The following KLF12 variants were observed in gnomAD, a reference collection of about 807,000 sequenced individuals.
The protein encoded by KLF12 is KLF transcription factor 12, also known as Krueppel-like factor 12.
KLF12 carries 9 observed loss-of-function variants against 37.8 expected under a neutral mutation model. That is an observed-to-expected ratio of 0.24 (90% CI 0.14 to 0.42). The LOEUF (loss-of-function observed/expected upper bound fraction) is 0.42. KLF12 is among the 10% of genes least tolerant of loss of function. The probability of loss-of-function intolerance (pLI) is 1.00; values close to 1 mark genes in which losing one functional copy is unlikely to be tolerated. For synonymous variants in KLF12, 208 were observed against 202.1 expected, an observed-to-expected ratio of 1.03 and a Z score of -0.25; for missense variants, 411 against 516.0, an observed-to-expected ratio of 0.80 and a Z score of 1.97.
intron 4 of KLF12, among the ~76,000 whole-genome samples, chr13:73,827,462 A>G (rs555312637): frequency 1.1e-3 from 166 of 152,310 alleles, no homozygotes; most frequent in Middle Eastern, 0.01. Context: ...CCATGTTGTC[A>G]ATTCTCCTCC....
chr13:73,816,158 T>C (rs1883203688), intron 4 of KLF12, among the ~76,000 whole-genome samples: 1 of 152,204 alleles, frequency 6.6e-6, no homozygotes. Flanking sequence ...ATCTGCATAC[T>C]TGCATAATTC....
At chr13:73,832,580 G>A (rs1337645319) in intron 4 of KLF12, among the ~76,000 whole-genome samples, 1 of 152,178 alleles carries the variant, frequency 6.6e-6, no homozygotes, top group Non-Finnish European at 1.5e-5. Flanking sequence ...AAACAATTCA[G>A]ACAAAGCTAT....
chr13:73,867,494 A>G (rs1179506630), intron 3 of KLF12, among the ~76,000 whole-genome samples: 1 of 152,096 alleles, frequency 6.6e-6, no homozygotes, highest in Non-Finnish European at 1.5e-5. Context: ...AAAGGCATAA[A>G]GAACTAAAAT....
intron 1 of KLF12, among the ~76,000 whole-genome samples, chr13:74,082,666 G>T (rs1439584495): frequency 6.6e-6 from 1 of 152,070 alleles, no homozygotes; most frequent in Non-Finnish European, 1.5e-5. Flanking sequence ...TATAAGATGA[G>T]TATCTAGTTT....
chr13:74,078,473 A>T (rs1032056014), intron 1 of KLF12, among the ~76,000 whole-genome samples: 7 of 152,254 alleles, frequency 4.6e-5, no homozygotes, highest in Non-Finnish European at 1.0e-4. Flanking sequence ...GTTACAAGGC[A>T]TAATTATAAA....
intron 1 of KLF12, among the ~76,000 whole-genome samples, chr13:74,063,119 C>T (rs2138660130): frequency 6.6e-6 from 1 of 152,304 alleles, no homozygotes; most frequent in Non-Finnish European, 1.5e-5. Context: ...TGTCAGGGTG[C>T]TAAAATAGCT....
At chr13:74,241,975 T>C in the KLF12 span, among the ~76,000 whole-genome samples, 2 of 152,176 alleles carry the variant, frequency 1.3e-5, no homozygotes, top group Non-Finnish European at 2.9e-5. Context: ...TCCCCCCAGG[T>C]ACCGAATTTT....
chr13:74,212,392 G>A, the KLF12 span, among the ~76,000 whole-genome samples: 1 of 152,132 alleles, frequency 6.6e-6, no homozygotes, highest in Admixed American at 6.6e-5. Context: ...ACAGCTAAAA[G>A]GTGAGAGAGT....
At chr13:73,916,778 AATTAAT>A (rs1400788401) in intron 3 of KLF12, among the ~76,000 whole-genome samples, 4 of 152,188 alleles carry the variant, frequency 2.6e-5, no homozygotes, top group Non-Finnish European at 5.9e-5. Flanking sequence ...TAGTCACATA[AATTAAT>A]ATATTAATAT....
chr13:73,858,705 C>T (rs1327783415), intron 3 of KLF12, among the ~76,000 whole-genome samples: 2 of 152,226 alleles, frequency 1.3e-5, no homozygotes, highest in East Asian at 3.9e-4. Flanking sequence ...CATTTTCCCC[C>T]CTAGAGATTT....
intron 6 of KLF12, among the ~76,000 whole-genome samples, chr13:73,735,783 C>G (rs917666237): frequency 2.0e-5 from 3 of 152,104 alleles, no homozygotes; most frequent in Non-Finnish European, 4.4e-5. Context: ...CAGAACAACT[C>G]TATGAGATTG....
the KLF12 span, among the ~76,000 whole-genome samples, chr13:74,202,715 A>T: frequency 6.6e-6 from 1 of 151,978 alleles, no homozygotes; most frequent in African/African-American, 2.4e-5. Flanking sequence ...TCCATATCCA[A>T]ATTATGGAAG....
the KLF12 span, among the ~76,000 whole-genome samples, chr13:74,159,151 T>C: frequency 1.3e-5 from 2 of 152,180 alleles, no homozygotes; most frequent in Non-Finnish European, 2.9e-5. Context: ...CACTAGGTCA[T>C]GTTCCTTCTA....
At chr13:73,740,801 A>G (rs1877914512) in intron 6 of KLF12, among the ~76,000 whole-genome samples, 1 of 152,180 alleles carries the variant, frequency 6.6e-6, no homozygotes, top group South Asian at 2.1e-4. Flanking sequence ...GTGCTCTAAC[A>G]TATGTCTCAG....
At chr13:73,879,253 G>C (rs796135468) in intron 3 of KLF12, among the ~76,000 whole-genome samples, 1 of 152,094 alleles carries the variant, frequency 6.6e-6, no homozygotes, top group Non-Finnish European at 1.5e-5. Context: ...CCAAAGTGCC[G>C]GTTCTTCTTT....
chr13:73,905,059 A>G (rs989927983), intron 3 of KLF12, among the ~76,000 whole-genome samples: 2 of 152,046 alleles, frequency 1.3e-5, no homozygotes, highest in African/African-American at 4.8e-5. Flanking sequence ...TTTTGTTTTC[A>G]TGGCTGTATA....
chr13:74,075,511 A>T (rs953008242), intron 1 of KLF12, among the ~76,000 whole-genome samples: 4 of 152,214 alleles, frequency 2.6e-5, no homozygotes, highest in African/African-American at 9.6e-5. Context: ...GAGTAGGTAA[A>T]GGTACTGGTA....
At chr13:73,981,177 C>A (rs1891679869) in intron 2 of KLF12, among the ~76,000 whole-genome samples, 1 of 151,968 alleles carries the variant, frequency 6.6e-6, no homozygotes, top group Non-Finnish European at 1.5e-5. Context: ...AACAAACAAA[C>A]AAAAAACTAT....
chr13:73,731,461 A>G (rs947975419), intron 6 of KLF12, among the ~76,000 whole-genome samples: 2 of 148,862 alleles, frequency 1.3e-5, no homozygotes, highest in Admixed American at 6.8e-5. Flanking sequence ...AAATAAACTT[A>G]ATGGTAATGG....
Sources: allele counts gnomAD v4.1 joint callset (sites outside exome capture counted in the v4.1 genomes callset), GRCh38; gene constraint gnomAD v4.1.1; transcripts MANE v1.5; gene names NCBI Gene and HGNC (gene_info 2026-07-23, HGNC 2026-07-21).